ZIC1: variants seen among roughly 807,000 people sequenced by gnomAD.
The protein encoded by ZIC1 is zinc finger protein ZIC 1.
ZIC1 carries 4 observed loss-of-function variants against 30.9 expected under a neutral mutation model. The ratio of observed to expected loss-of-function variants is 0.13; its 90% confidence interval spans 0.06 to 0.30. The LOEUF is 0.30. Among genes scored for constraint, ZIC1 ranks in the 10% least tolerant of loss-of-function variants. The probability of loss-of-function intolerance (pLI) is 1.00; values close to 1 mark genes in which losing one functional copy is unlikely to be tolerated. For synonymous variants in ZIC1, 305 were observed against 277.5 expected (o/e 1.10, Z -0.98); for missense variants, 441 against 639.3 (o/e 0.69, Z 3.34).
chr3:147,414,201 T>C lies in ZIC1; in HGVS notation c.*650T>C, dbSNP rs192269875. On this transcript the variant is annotated 3_prime_UTR_variant, in exon 3 of 3. Transcript: ENST00000282928. ...ATATTATTGGTATTAATGTGCTTTT[T>C]TTGTATAAAGTGCAAACATTTCGTC... is the stretch of plus-strand genomic sequence containing the variant. 2 of 152,576 alleles carry C rather than the reference T, an allele frequency of 1.3e-5. No homozygotes were observed. Among genetic ancestry groups the C allele is most frequent in the Non-Finnish European group, 2.9e-5 (2 of 68,030 alleles). The allele number at this position is 152,576 out of a possible 1,614,324, so 9.5% of individuals were successfully genotyped here.
Position 147,410,704 on chromosome 3 carries a change from G to A in ZIC1, c.592G>A (p.Gly198Arg), listed in dbSNP as rs1222476427. Residue 198 changes from glycine (G) to arginine (R), a missense_variant, in exon 1 of 3, where the codon GGG becomes AGG. Physicochemically the swap from Gly to Arg is moderately radical, Grantham distance 125 (BLOSUM62 -2). Coordinates refer to ENST00000282928, the MANE Select transcript of ZIC1 (RefSeq NM_003412.4). ...HYAAPQLHGY[G>R]PMNVNMAAHH... ...TGCTGCGCCGCAGCTGCACGGCTAC[G>A]GGCCCATGAACGTGAACATGGCCGC... 6.2e-7 allele frequency: 1 copy of A among 1,613,988 alleles called. No individual in the cohort carries two copies. The highest frequency in any genetic ancestry group is 8.5e-7 in the Non-Finnish European group (1 of 1,179,952).
In ZIC1 at chr3:147,409,717, C is replaced by T. The variant is rs1180733224; in HGVS notation, c.-396C>T. On this transcript the variant is annotated 5_prime_UTR_variant, in exon 1 of 3. Coordinates refer to ENST00000282928, the MANE Select transcript of ZIC1 (RefSeq NM_003412.4). ...TCGCGGCACTGGCGCTCACATTCCT[C>T]TATGCTACAAATCCAGGAGGAAGTT... is the stretch of plus-strand genomic sequence containing the variant. 5 of 203,892 alleles carry T rather than the reference C, an allele frequency of 2.5e-5. No homozygotes were observed. The highest frequency in any genetic ancestry group is 4.9e-5 in the Non-Finnish European group (5 of 102,474). 12.6% of individuals were successfully genotyped at this position (203,892 alleles called of 1,614,324 possible). A position where few individuals can be genotyped will look rare whatever the true frequency, so the allele number is the denominator to read the frequency against.
At position 147,412,688 on chromosome 3, in the gene ZIC1, G is replaced by T. The variant is rs924461113; in HGVS notation, c.1146+7G>T. 8.7e-6 allele frequency: 14 copies of T among 1,604,990 alleles called. No individual in the cohort carries two copies. In the African/African-American group the frequency reaches 1.7e-4, roughly 20 times the overall value. ...GCTGCGCAAACACATGAAGGTAATC[G>T]CCGCACTCTCGTCGCCCCCTTTGAG... On this transcript the variant is annotated splice_region_variant and intron_variant, in intron 2 of 2. Coordinates refer to ENST00000282928, the MANE Select transcript of ZIC1 (RefSeq NM_003412.4).
chr3:147,416,034 G>A lies in ZIC1; in HGVS notation c.*2483G>A, dbSNP rs2087431082. On this transcript the variant is annotated 3_prime_UTR_variant, in exon 3 of 3. Coordinates refer to ENST00000282928, the MANE Select transcript of ZIC1 (RefSeq NM_003412.4). ...CATGAAAAGAGCGCCACCTTGCAAG[G>A]TTTAGTGAGATTTATGGAAGTTGAA... 3 of 152,208 alleles carry A rather than the reference G, an allele frequency of 2.0e-5. No individual in the cohort carries two copies. The South Asian group carries it at 6.2e-4, about 32-fold the overall frequency. The allele number at this position is 152,208 out of a possible 1,614,324, so 9.4% of individuals were successfully genotyped here.
In ZIC1 at chr3:147,410,814, G is replaced by T. The variant is rs756997628; in HGVS notation, c.702G>T (p.Gln234His). 4 of 1,614,278 alleles carry T rather than the reference G, an allele frequency of 2.5e-6. No homozygotes were observed. In the South Asian group the frequency reaches 4.4e-5, roughly 18 times the overall value. The change falls in exon 1 of 3, where the codon CAG (glutamine) becomes CAT (histidine). Residue 234 changes from glutamine (Q) to histidine (H), a missense_variant. By Grantham distance (24) the Gln-to-His change is conservative. Around this residue, in one of 5 missense-constraint regions of ZIC1, gnomAD observed 307 missense variants for 355.3 expected, o/e 0.86. Coordinates refer to ENST00000282928, the MANE Select transcript of ZIC1 (RefSeq NM_003412.4). ...TCTGCAAGTGGATCGAGCCCGAGCAGCTGGCCAACCCCAAAAAGTCGTGCA... is the reference window on the plus strand; with the variant it reads ...TCTGCAAGTGGATCGAGCCCGAGCATCTGGCCAACCCCAAAAAGTCGTGCA... ...ELICKWIEPE[Q>H]LANPKKSCNK...
rs543092787 is a variant in ZIC1, at chr3:147,411,159, A to T, written c.982+65A>T. 1.6e-3 allele frequency: 2,541 copies of T among 1,540,530 alleles called. 4 individuals are homozygous for T. The highest frequency in any genetic ancestry group is 2.1e-3 in the Non-Finnish European group (2,388 of 1,145,144). On this transcript the variant is annotated intron_variant, in intron 1 of 2. Transcript: ENST00000282928. ...GGGCCTGGGACCCAAACCGAAAGTC[A>T]GCGGCCAGGTCGCACAAACGCAGCC...
chr3:147,409,976 G>T lies in ZIC1; in HGVS notation c.-137G>T, dbSNP rs916900395. 37 of 1,001,674 alleles carry T rather than the reference G, an allele frequency of 3.7e-5. No homozygotes were observed. In the South Asian group the frequency reaches 6.4e-4, roughly 17 times the overall value. 62.0% of individuals were successfully genotyped at this position (1,001,674 alleles called of 1,614,324 possible). ...TGCAGGCTAGGACTTCGCGAGGTGG[G>T]TCGACTCCCCCTCCCTCCTCCTCTT... On this transcript the variant is annotated 5_prime_UTR_variant, in exon 1 of 3. Coordinates refer to ENST00000282928, the MANE Select transcript of ZIC1 (RefSeq NM_003412.4).
chr3:147,412,546 G>C lies in ZIC1; in HGVS notation c.1011G>C (p.Glu337Asp). ...AGAAGCCCTTCAAGTGCGAGTTTGA[G>C]GGCTGTGACCGGCGCTTCGCTAACA... ...TGEKPFKCEF[E>D]GCDRRFANSS... is the part of the protein sequence containing the mutation. The change falls in exon 2 of 3, where the codon GAG (glutamate) becomes GAC (aspartate). Residue 337 changes from glutamate (E) to aspartate (D), a missense_variant. Glu to Asp is a conservative substitution (Grantham distance 45). Transcript: ENST00000282928. The C allele has an allele frequency of 1.9e-6, 3 of 1,614,136 alleles. No individual in the cohort carries two copies. The highest frequency in any genetic ancestry group is 2.5e-6 in the Non-Finnish European group (3 of 1,180,040).
rs775474959 is a variant in ZIC1, at chr3:147,410,697, C to A, written c.585C>A (p.His195Gln). 5.0e-6 allele frequency: 8 copies of A among 1,613,854 alleles called. No individual in the cohort carries two copies. The highest frequency in any genetic ancestry group is 5.9e-6 in the Non-Finnish European group (7 of 1,179,952). The change falls in exon 1 of 3, where the codon CAC becomes CAA. Residue 195 changes from histidine (H) to glutamine (Q), a missense_variant. By Grantham distance (24) the His-to-Gln change is conservative. Around this residue, in one of 5 missense-constraint regions of ZIC1, gnomAD observed 307 missense variants for 355.3 expected, o/e 0.86. Transcript: ENST00000282928. ...RSEHYAAPQLHGYGPMNVNMA... is the reference protein window; with the variant it reads ...RSEHYAAPQLQGYGPMNVNMA... ...AGCACTATGCTGCGCCGCAGCTGCA[C>A]GGCTACGGGCCCATGAACGTGAACA...
Position 147,416,565 on chromosome 3 carries a change from A to G in ZIC1, c.*3014A>G, listed in dbSNP as rs2087436988. On this transcript the variant is annotated 3_prime_UTR_variant, in exon 3 of 3. Transcript: ENST00000282928. Reference sequence around the variant, plus strand: ...TTTTAAAGATAAATTTTAGGGGTAAATGTTTACTTCAAAATGACTCCATAT... The same window carrying G: ...TTTTAAAGATAAATTTTAGGGGTAAGTGTTTACTTCAAAATGACTCCATAT... 1 of 152,228 alleles carries G rather than the reference A, an allele frequency of 6.6e-6. No homozygotes were observed. The highest frequency in any genetic ancestry group is 1.5e-5 in the Non-Finnish European group (1 of 68,030). 9.4% of individuals were successfully genotyped at this position (152,228 alleles called of 1,614,324 possible).
chr3:147,411,428 G>A (rs2087377069), intron 1 of ZIC1, among the ~76,000 whole-genome samples: 1 of 152,338 alleles, frequency 6.6e-6, no homozygotes, highest in East Asian at 1.9e-4. Context: ...GGCAGCCGCG[G>A]AGGCGCCAGC....
At position 147,410,209 on chromosome 3, in the gene ZIC1, G is replaced by T. The variant is rs772678194; in HGVS notation, c.97G>T (p.Val33Leu). 8 of 1,601,496 alleles carry T rather than the reference G, an allele frequency of 5.0e-6. No homozygotes were observed. The East Asian group carries it at 6.7e-5, about 13-fold the overall frequency. Residue 33 changes from valine to leucine, a missense_variant, in exon 1 of 3, where the codon GTG becomes TTG. Val to Leu is a conservative substitution (Grantham distance 32). Transcript: ENST00000282928. ...CGCGGGCGACGTGGCCGAACGAGACGTGGGCCTGGGCATCAACCCGTTCGC... is the reference window on the plus strand; with the variant it reads ...CGCGGGCGACGTGGCCGAACGAGACTTGGGCCTGGGCATCAACCCGTTCGC... ...HSAGDVAERD[V>L]GLGINPFADG...
In ZIC1 at chr3:147,416,467, G is replaced by A. The variant is rs1446786994; in HGVS notation, c.*2916G>A. The A allele has an allele frequency of 6.6e-6, 1 of 152,176 alleles. No homozygotes were observed. Among genetic ancestry groups the A allele is most frequent in the African/African-American group, 2.4e-5 (1 of 41,436 alleles). The allele number at this position is 152,176 out of a possible 1,614,324, so 9.4% of individuals were successfully genotyped here. A position where few individuals can be genotyped will look rare whatever the true frequency, so the allele number is the denominator to read the frequency against. ...ACTGTCTAATTTTTGTTGTGTACCT[G>A]ATGCCCCTTTTGCTTTAATACCACA... On this transcript the variant is annotated 3_prime_UTR_variant, in exon 3 of 3. Coordinates refer to ENST00000282928, the MANE Select transcript of ZIC1 (RefSeq NM_003412.4).
chr3:147,413,368 C>T lies in ZIC1; in HGVS notation c.1161C>T (p.Ser387=), dbSNP rs1047106709. 6.2e-7 allele frequency: 1 copy of T among 1,613,416 alleles called. No individual in the cohort carries two copies. Among genetic ancestry groups the T allele is most frequent in the Non-Finnish European group, 8.5e-7 (1 of 1,179,468 alleles). The change falls in exon 3 of 3, where the codon TCC becomes TCT. Residue 387 remains serine, a synonymous_variant. Coordinates refer to ENST00000282928, the MANE Select transcript of ZIC1 (RefSeq NM_003412.4). ...TATTCCTGCAGGTCCACGAATCCTC[C>T]TCGCAGGGCTCGCAGCCTTCGCCGG... is the stretch of plus-strand genomic sequence containing the variant. ...LRKHMKVHES[S]SQGSQPSPAA... is the part of the protein sequence containing the mutation.
At chr3:147,411,689 A>G (rs2087380207) in intron 1 of ZIC1, among the ~76,000 whole-genome samples, 1 of 152,064 alleles carries the variant, frequency 6.6e-6, no homozygotes, top group African/African-American at 2.4e-5. Context: ...TGGTTTTAAG[A>G]GTGGGTTTGA....
rs902024654 is a variant in ZIC1 at position 147,415,274 on chromosome 3, C to A, written c.*1723C>A. On this transcript the variant is annotated 3_prime_UTR_variant, in exon 3 of 3. Transcript: ENST00000282928. Reference sequence around the variant, plus strand: ...ATCTTTCTATCTCTTTTATTTATTTCTCATTTACTTAAGAAATTCGTTCCA... The same window carrying A: ...ATCTTTCTATCTCTTTTATTTATTTATCATTTACTTAAGAAATTCGTTCCA... 2 of 152,490 alleles carry A rather than the reference C, an allele frequency of 1.3e-5. No individual in the cohort carries two copies. Among genetic ancestry groups the A allele is most frequent in the Non-Finnish European group, 2.9e-5 (2 of 68,010 alleles). 9.4% of individuals were successfully genotyped at this position (152,490 alleles called of 1,614,324 possible).
rs752607473 is a variant in ZIC1 at position 147,410,160 on chromosome 3, C to T, written c.48C>T (p.Thr16=). 2 of 1,598,754 alleles carry T rather than the reference C, an allele frequency of 1.3e-6. No homozygotes were observed. Among genetic ancestry groups the T allele is most frequent in the South Asian group, 1.1e-5 (1 of 90,858 alleles). The change falls in exon 1 of 3, where the codon ACC becomes ACT. Residue 16 remains threonine, a synonymous_variant. Transcript: ENST00000282928. ...AGTACCCAGCGATCGGCGTGACCAC[C>T]TTTGGCGCGTCCCGCCACCACTCCG... is the stretch of plus-strand genomic sequence containing the variant. ...GPQYPAIGVT[T]FGASRHHSAG...
chr3:147,412,068 T>G (rs2087385521), intron 1 of ZIC1, among the ~76,000 whole-genome samples: 4 of 143,654 alleles, frequency 2.8e-5, no homozygotes, highest in Admixed American at 1.4e-4. Flanking sequence ...ATGTAGGGAG[T>G]GGGGTGGGTT....
Position 147,416,600 on chromosome 3 carries a change from C to G in ZIC1, c.*3049C>G, listed in dbSNP as rs1434785216. 1 of 152,180 alleles carries G rather than the reference C, an allele frequency of 6.6e-6. No homozygotes were observed. The highest frequency in any genetic ancestry group is 2.4e-5 in the African/African-American group (1 of 41,434). 9.4% of individuals were successfully genotyped at this position (152,180 alleles called of 1,614,324 possible). ...CAAAATGACTCCATATTTCAAATAT[C>G]TGTTTAGACTGTGAAGGCCAAATAA... On this transcript the variant is annotated 3_prime_UTR_variant, in exon 3 of 3. Coordinates refer to ENST00000282928, the MANE Select transcript of ZIC1 (RefSeq NM_003412.4).
Sources: gnomAD v4.1 joint callset for allele counts (sites outside exome capture counted in the v4.1 genomes callset) on GRCh38, gnomAD v4.1.1 for gene constraint, gnomAD v4.1.1 regional missense constraint, MANE v1.5 for transcripts, NCBI Gene and HGNC (gene_info 2026-07-23, HGNC 2026-07-21) for gene names.